The following PRKAG2 variants were observed in gnomAD, a reference collection of about 807,000 sequenced individuals.
PRKAG2 encodes the protein 5'-AMP-activated protein kinase subunit gamma-2.
PRKAG2 carries 26 observed loss-of-function variants against 69.6 expected under a neutral mutation model. The ratio of observed to expected loss-of-function variants is 0.37; its 90% CI spans 0.27 to 0.52. The LOEUF (loss-of-function observed/expected upper bound fraction) is 0.52. Among genes scored for constraint, PRKAG2 ranks in the 20% least tolerant of loss-of-function variants. PRKAG2 has a pLI of 0.90. For synonymous variants in PRKAG2, 293 were observed against 285.0 expected (o/e 1.03, Z -0.28); for missense variants, 557 against 740.0 (o/e 0.75, Z 2.87).
chr7:151,845,942 A>G (rs565191856), intron 1 of PRKAG2, among the ~76,000 whole-genome samples: 2 of 152,306 alleles, frequency 1.3e-5, no homozygotes, highest in East Asian at 3.9e-4. Context: ...CCCGGAACAC[A>G]GACGGGTGCT....
At position 151,855,405 on chromosome 7, in the gene PRKAG2, A is replaced by G. The variant is rs111163522; in HGVS notation, c.114+21102T>C. ...CCTCCACACACACCATCCACACACC[A>G]CCCTCCACATACACCATGCTCCACA... On this transcript the variant is annotated intron_variant, in intron 1 of 15. Coordinates refer to ENST00000287878, the MANE Select transcript of PRKAG2 (RefSeq NM_016203.4). Among the ~76,000 whole-genome samples the G allele has an allele frequency of 6.5e-3, 81 of 12,482 alleles. 11 individuals carry two copies. The highest frequency in any genetic ancestry group is 0.014 in the South Asian group (4 of 288). 8.2% of individuals were successfully genotyped at this position (12,482 alleles called of 152,430 possible). A position where few individuals can be genotyped will look rare whatever the true frequency, so the allele number is the denominator to read the frequency against.
intron 3 of PRKAG2, among the ~76,000 whole-genome samples, chr7:151,758,668 G>T (rs1321380717): frequency 6.6e-6 from 1 of 152,130 alleles, no homozygotes; most frequent in African/African-American, 2.4e-5. Flanking sequence ...TGATAGACCT[G>T]GGGGGATGAG....
chr7:151,758,954 C>G (rs1308868651), intron 3 of PRKAG2, among the ~76,000 whole-genome samples: 1 of 152,150 alleles, frequency 6.6e-6, no homozygotes, highest in Non-Finnish European at 1.5e-5. Flanking sequence ...GCAGGGACCC[C>G]TCACTGCTCA....
Position 151,632,634 on chromosome 7 carries a change from G to C in PRKAG2, c.685-496C>G. On this transcript the variant is annotated intron_variant, in intron 4 of 15. Transcript: ENST00000287878. The surrounding 1 kb of genome is among the most constrained non-coding windows in gnomAD (Gnocchi z 4.2). Reference sequence around the variant, plus strand: ...TGCGCAGGTGTGGGCTCCGCGGCGCGGGGAGGGGGAGAGGGGCTGGAGGCT... The same window carrying C: ...TGCGCAGGTGTGGGCTCCGCGGCGCCGGGAGGGGGAGAGGGGCTGGAGGCT... 2.0e-6 allele frequency: 2 copies of C among 983,938 alleles called. No individual in the cohort carries two copies. Among genetic ancestry groups the C allele is most frequent in the South Asian group, 9.4e-5 (2 of 21,248 alleles). 61.0% of individuals were successfully genotyped at this position (983,938 alleles called of 1,614,324 possible).
intron 3 of PRKAG2, among the ~76,000 whole-genome samples, chr7:151,748,856 G>A (rs145325291): frequency 5.3e-5 from 8 of 152,376 alleles, no homozygotes; most frequent in African/African-American, 1.4e-4. Flanking sequence ...CCTTCGCCCC[G>A]CCGCGCCCGC....
At chr7:151,667,353 G>T (rs971579587) in intron 4 of PRKAG2, among the ~76,000 whole-genome samples, 1 of 152,186 alleles carries the variant, frequency 6.6e-6, no homozygotes, top group Non-Finnish European at 1.5e-5. Context: ...TTTACAGGAA[G>T]ATTATTCTCA....
intron 3 of PRKAG2, among the ~76,000 whole-genome samples, chr7:151,773,023 AAGAGAG>A (rs1163334410): frequency 8.7e-4 from 48 of 55,092 alleles, no homozygotes; most frequent in African/African-American, 3.2e-3. Context: ...GAAAGAAAGA[AAGAGAG>A]AGAGAGAGAG....
chr7:151,580,903 A>G (rs1810301019), intron 6 of PRKAG2, among the ~76,000 whole-genome samples: 1 of 152,210 alleles, frequency 6.6e-6, no homozygotes, highest in African/African-American at 2.4e-5. Flanking sequence ...CAGCAGGGTG[A>G]CTACAGTCAA....
At chr7:151,863,538 G>A (rs2079988205) in intron 1 of PRKAG2, among the ~76,000 whole-genome samples, 1 of 152,132 alleles carries the variant, frequency 6.6e-6, no homozygotes, top group African/African-American at 2.4e-5. Flanking sequence ...CAAAGCTAGA[G>A]GCACAGACTC....
intron 5 of PRKAG2, among the ~76,000 whole-genome samples, chr7:151,626,338 A>G (rs1585321393): frequency 6.6e-6 from 1 of 152,356 alleles, no homozygotes; most frequent in Non-Finnish European, 1.5e-5. Context: ...TCCTGACTTC[A>G]GAGATACTGA....
chr7:151,558,454 C>T lies in PRKAG2; in HGVS notation c.1679-1222G>A, dbSNP rs184130702. ...AGGAGGGAGACGGGCCTGTATCAGC[C>T]GGCTCCTTCTCTACTGAAGAAATTG... On this transcript the variant is annotated intron_variant, in intron 15 of 15. Coordinates refer to ENST00000287878, the MANE Select transcript of PRKAG2 (RefSeq NM_016203.4). 7,465 of 985,010 alleles carry T rather than the reference C, an allele frequency of 7.6e-3. 37 individuals are homozygous for T. The highest frequency in any genetic ancestry group is 9.0e-3 in the South Asian group (191 of 21,276). The allele number at this position is 985,010 out of a possible 1,614,324, so 61.0% of individuals were successfully genotyped here.
chr7:151,660,212 TA>T (rs1830110450), intron 4 of PRKAG2, among the ~76,000 whole-genome samples: 1 of 152,148 alleles, frequency 6.6e-6, no homozygotes, highest in Non-Finnish European at 1.5e-5. Flanking sequence ...TTGTTAGACA[TA>T]ATAAAAGTGA....
chr7:151,784,257 G>A (rs1056612227), intron 2 of PRKAG2, among the ~76,000 whole-genome samples: 4 of 152,230 alleles, frequency 2.6e-5, no homozygotes, highest in African/African-American at 4.8e-5. Context: ...CTGGAAAGGT[G>A]AGCCCGGACC....
At chr7:151,834,800 A>C (rs1482316992) in intron 1 of PRKAG2, among the ~76,000 whole-genome samples, 1 of 152,250 alleles carries the variant, frequency 6.6e-6, no homozygotes, top group Non-Finnish European at 1.5e-5. Context: ...TTTGAACAAC[A>C]GAAACGCACC....
Position 151,583,365 on chromosome 7 carries a change from AT to A in PRKAG2, c.865-6914del, listed in dbSNP as rs1369539700. Among the ~76,000 whole-genome samples, 1 of 152,162 alleles carries A rather than the reference AT, an allele frequency of 6.6e-6. No homozygotes were observed. The highest frequency in any genetic ancestry group is 1.5e-5 in the Non-Finnish European group (1 of 68,022). ...TCCGCAGGTCACTGAGGAAGTCTCA[AT>A]TCCATCCTTCAGAGATCTCATATAA... On this transcript the variant is annotated intron_variant, in intron 6 of 15. Transcript: ENST00000287878. The surrounding 1 kb of genome is among the most constrained non-coding windows in gnomAD (Gnocchi z 4.1).
At chr7:151,684,952 G>T (rs1402637159) in intron 3 of PRKAG2, among the ~76,000 whole-genome samples, 3 of 152,156 alleles carry the variant, frequency 2.0e-5, no homozygotes, top group Non-Finnish European at 4.4e-5. Flanking sequence ...CAAGCTCCAG[G>T]TGCCACACGT....
At chr7:151,733,506 C>T (rs1052976055) in intron 3 of PRKAG2, among the ~76,000 whole-genome samples, 2 of 152,168 alleles carry the variant, frequency 1.3e-5, no homozygotes, top group Non-Finnish European at 2.9e-5. Flanking sequence ...TAATAATGGG[C>T]CTGTCCATCC....
chr7:151,664,915 T>C (rs938609002), intron 4 of PRKAG2, among the ~76,000 whole-genome samples: 3 of 152,208 alleles, frequency 2.0e-5, no homozygotes, highest in Admixed American at 1.3e-4. Flanking sequence ...AGATTTTATC[T>C]TGAGAACTCT....
At chr7:151,613,695 G>T (rs763755341) in intron 5 of PRKAG2, among the ~76,000 whole-genome samples, 1 of 150,948 alleles carries the variant, frequency 6.6e-6, no homozygotes, top group East Asian at 2.0e-4. Flanking sequence ...ATGGGGTTTC[G>T]CCACGTTGGT....
Sources: gnomAD v4.1 joint callset for allele counts (sites outside exome capture counted in the v4.1 genomes callset) on GRCh38, gnomAD v4.1.1 for gene constraint, Gnocchi (gnomAD v3.1) non-coding constraint, MANE v1.5 for transcripts, NCBI Gene and HGNC (gene_info 2026-07-23, HGNC 2026-07-21) for gene names.